BANP: variants seen among roughly 807,000 people sequenced by gnomAD.
The protein encoded by BANP is BTG3 associated nuclear protein, also known as protein BANP.
In BANP, 11 loss-of-function variants were observed where a neutral mutation model predicts 68.1. That is an observed-to-expected ratio of 0.16 (90% CI 0.10 to 0.27). The LOEUF is 0.27. Ranked by LOEUF, BANP falls within the 10% of genes least tolerant of loss-of-function variation. The pLI is 1.00. For missense variants in BANP, 504 were observed against 722.7 expected (o/e 0.70, Z 3.47); for synonymous variants, 329 against 303.2 (o/e 1.09, Z -0.88).
chr16:88,013,839 G>A (rs552707904), intron 6 of BANP, among the ~76,000 whole-genome samples: 1 of 152,338 alleles, frequency 6.6e-6, no homozygotes, highest in South Asian at 2.1e-4. Flanking sequence ...GAACATGCCT[G>A]AAAATCTCTA....
intron 1 of BANP, among the ~76,000 whole-genome samples, chr16:87,971,797 G>C (rs930442444): frequency 6.6e-6 from 1 of 151,934 alleles, no homozygotes; most frequent in African/African-American, 2.4e-5. Flanking sequence ...CATTGCTTTA[G>C]TTTTCCTTTT....
chr16:87,973,918 C>T (rs1348162831), intron 1 of BANP, among the ~76,000 whole-genome samples: 1 of 152,080 alleles, frequency 6.6e-6, no homozygotes, highest in Non-Finnish European at 1.5e-5. Flanking sequence ...GGGACTTATC[C>T]ATGAATAGAA....
intron 2 of BANP, among the ~76,000 whole-genome samples, chr16:87,976,313 G>A (rs1341259578): frequency 6.6e-6 from 1 of 152,146 alleles, no homozygotes; most frequent in East Asian, 1.9e-4. Context: ...CCTTTGCTAA[G>A]GCTGGTATCT....
chr16:88,020,884 C>T (rs1330508640), intron 7 of BANP, among the ~76,000 whole-genome samples: 1 of 152,276 alleles, frequency 6.6e-6, no homozygotes, highest in East Asian at 1.9e-4. Flanking sequence ...AGTGAGGTGA[C>T]AGGGGCATGG....
chr16:87,960,315 C>T (rs921104690), intron 1 of BANP, among the ~76,000 whole-genome samples: 1 of 152,140 alleles, frequency 6.6e-6, no homozygotes, highest in South Asian at 2.1e-4. Flanking sequence ...ACCCAGATGG[C>T]TTGCTTGGGA....
At chr16:87,961,654 A>G (rs2059178087) in intron 1 of BANP, among the ~76,000 whole-genome samples, 2 of 152,214 alleles carry the variant, frequency 1.3e-5, no homozygotes, top group African/African-American at 4.8e-5. Flanking sequence ...TATTTTTCAT[A>G]AAACATGTTT....
intron 1 of BANP, among the ~76,000 whole-genome samples, chr16:87,956,099 G>A (rs1176337055): frequency 2.0e-5 from 3 of 152,142 alleles, no homozygotes; most frequent in Non-Finnish European, 2.9e-5. Context: ...CCCCCGTCAG[G>A]ATTGTTAGCC....
intron 11 of BANP, among the ~76,000 whole-genome samples, chr16:88,049,472 T>C (rs1751992938): frequency 6.6e-6 from 1 of 152,066 alleles, no homozygotes; most frequent in South Asian, 2.1e-4. Context: ...TGGGTTTTTA[T>C]GGAAACTTCG....
chr16:87,958,339 G>A (rs2058495144), intron 1 of BANP, among the ~76,000 whole-genome samples: 1 of 152,212 alleles, frequency 6.6e-6, no homozygotes, highest in Non-Finnish European at 1.5e-5. Context: ...TTGGATAAAA[G>A]GAGCATGGTT....
intron 3 of BANP, 42 bp from the exon 4 acceptor site, chr16:87,984,018 T>C (rs1397211203): frequency 6.2e-7 from 1 of 1,602,476 alleles, no homozygotes; most frequent in Non-Finnish European, 8.5e-7. Context: ...CTTCTTACAG[T>C]TCAGGAGACC....
intron 1 of BANP, among the ~76,000 whole-genome samples, chr16:87,953,785 C>G (rs2057476631): frequency 6.6e-6 from 1 of 152,158 alleles, no homozygotes; most frequent in Non-Finnish European, 1.5e-5. Flanking sequence ...AGCCCCTGTC[C>G]TTCTCATCTG....
chr16:88,008,959 C>A (rs2072146339), intron 6 of BANP, among the ~76,000 whole-genome samples: 2 of 152,168 alleles, frequency 1.3e-5, no homozygotes, highest in African/African-American at 4.8e-5. Flanking sequence ...GAATGTATAT[C>A]CCAGTGGGGT....
At chr16:87,962,435 G>C (rs1039952955) in intron 1 of BANP, among the ~76,000 whole-genome samples, 1 of 152,080 alleles carries the variant, frequency 6.6e-6, no homozygotes, top group South Asian at 2.1e-4. Flanking sequence ...AATATCGATA[G>C]GTAGAATCTG....
At chr16:87,967,210 CTT>C in intron 1 of BANP, among the ~76,000 whole-genome samples, 1 of 149,396 alleles carries the variant, frequency 6.7e-6, no homozygotes, top group South Asian at 2.1e-4. Context: ...GCCTCAGAAA[CTT>C]TGCAAAGTTT....
intron 9 of BANP, 42 bp downstream of exon 9, chr16:88,033,287 C>T (rs770163246): frequency 9.4e-6 from 14 of 1,493,422 alleles, no homozygotes; most frequent in Middle Eastern, 1.8e-4. Flanking sequence ...AAGGGGGCTG[C>T]GGGGTGGGCC....
intron 11 of BANP, among the ~76,000 whole-genome samples, chr16:88,054,144 C>T (rs1417167020): frequency 1.7e-5 from 2 of 117,514 alleles, no homozygotes; most frequent in East Asian, 4.2e-4. Context: ...CAAACACTAC[C>T]ACCACCACCT....
intron 6 of BANP, among the ~76,000 whole-genome samples, chr16:88,012,643 G>T (rs1428324311): frequency 2.0e-5 from 3 of 152,196 alleles, no homozygotes; most frequent in Non-Finnish European, 4.4e-5. Context: ...CTGAGCCATC[G>T]CCTGAAAAGT....
chr16:88,039,908 ACT>A (rs913746583), intron 11 of BANP, among the ~76,000 whole-genome samples: 2 of 151,736 alleles, frequency 1.3e-5, no homozygotes, highest in South Asian at 4.2e-4. Flanking sequence ...CTGAGTCCCC[ACT>A]CTCTCTAAGT....
chr16:87,967,059 C>T (rs1382557558), intron 1 of BANP, among the ~76,000 whole-genome samples: 2 of 152,182 alleles, frequency 1.3e-5, no homozygotes, highest in African/African-American at 4.8e-5. Flanking sequence ...AAGGAGGTTT[C>T]CCAGGGGGCT....
Sources: allele counts gnomAD v4.1 joint callset (sites outside exome capture counted in the v4.1 genomes callset), GRCh38; gene constraint gnomAD v4.1.1; transcripts MANE v1.5; gene names NCBI Gene and HGNC (gene_info 2026-07-23, HGNC 2026-07-21).